The following TNNT2 variants were observed in gnomAD, a reference collection of about 807,000 sequenced individuals.
TNNT2 encodes the protein troponin T, cardiac muscle.
Under a neutral mutation model 62.4 loss-of-function variants are expected in TNNT2, and 34 were observed. The ratio of observed to expected loss-of-function variants is 0.54; its 90% CI spans 0.41 to 0.72. The LOEUF (loss-of-function observed/expected upper bound fraction) is 0.72, where lower values mean the gene tolerates loss of function less well. Among genes scored for constraint, TNNT2 ranks in the 30% least tolerant of loss-of-function variants. The pLI is 0.00. For missense variants in TNNT2, 275 were observed against 381.9 expected (o/e 0.72, Z 2.33); for synonymous variants, 123 against 127.2 (o/e 0.97, Z 0.22).
At position 201,377,630 on chromosome 1, in the gene TNNT2, C is replaced by G. The variant is rs886045829; in HGVS notation, c.-22G>C. 6.6e-6 allele frequency: 3 copies of G among 456,210 alleles called. 1 individual carries two copies. Among genetic ancestry groups the G allele is most frequent in the South Asian group, 3.1e-5 (2 of 64,576 alleles). 28.3% of individuals were successfully genotyped at this position (456,210 alleles called of 1,614,324 possible). ...GCCCTGCCCGAGCCTTACCTCAGAACAGCAGCTGCCGACAGATCCTGGAGG... is the reference window on the plus strand; with the variant it reads ...GCCCTGCCCGAGCCTTACCTCAGAAGAGCAGCTGCCGACAGATCCTGGAGG... On this transcript the variant is annotated 5_prime_UTR_variant, in exon 1 of 17. Coordinates refer to ENST00000656932, the MANE Select transcript of TNNT2 (RefSeq NM_001276345.2).
intron 8 of TNNT2, chr1:201,366,302 A>G (rs762107517): frequency 2.1e-5 from 21 of 1,024,116 alleles, no homozygotes; most frequent in Non-Finnish European, 2.5e-5. Flanking sequence ...CAGAGGTGCC[A>G]TGGGTCAACC....
Position 201,373,201 on chromosome 1 carries a change from T to C in TNNT2, c.41+13A>G, listed in dbSNP as rs773907554. ...AGAGGACCCCACTCAGGCAAGATGC[T>C]CCAGATACTCACTCCTCCTCGTACT... On this transcript the variant is annotated intron_variant, in intron 2 of 16. Transcript: ENST00000656932. The C allele has an allele frequency of 6.2e-7, 1 of 1,613,992 alleles. No individual in the cohort carries two copies. Among genetic ancestry groups the C allele is most frequent in the East Asian group, 2.2e-5 (1 of 44,878 alleles).
chr1:201,372,303 C>A (rs531812743), intron 2 of TNNT2, 148 bp from the exon 3 acceptor site: 1 of 1,176,832 alleles, frequency 8.5e-7, no homozygotes, highest in South Asian at 1.3e-5. Flanking sequence ...CGCTGCCCTG[C>A]CCACCTTGCA....
In TNNT2 at chr1:201,373,164, G is replaced by T. The variant is rs766987974; in HGVS notation, c.41+50C>A. The T allele has an allele frequency of 3.2e-6, 5 of 1,586,970 alleles. No homozygotes were observed. The African/African-American group carries it at 6.7e-5, about 21-fold the overall frequency. ...GGGAGGCTCCTGGACCAGGTGTCAG[G>T]GCAGCGGCGGGAGAGGACCCCACTC... On this transcript the variant is annotated intron_variant, in intron 2 of 16. Transcript: ENST00000656932.
At chr1:201,368,548 C>T in intron 5 of TNNT2, 1 of 483,708 alleles carries the variant, frequency 2.1e-6, no homozygotes, top group South Asian at 1.6e-5. Context: ...CCGAGGTGTC[C>T]AGAAGCTCCT....
chr1:201,359,321 G>GGGTA, intron 16 of TNNT2, 66 bp from the exon 17 acceptor site: 1 of 1,570,536 alleles, frequency 6.4e-7, no homozygotes, highest in Non-Finnish European at 8.7e-7. Flanking sequence ...CATGCGGCTG[G>GGGTA]GGTAGGACTG....
At chr1:201,366,159 G>T (rs1205797678) in intron 8 of TNNT2, 4 of 1,059,128 alleles carry the variant, frequency 3.8e-6, no homozygotes, top group African/African-American at 1.7e-5. Context: ...CCTCAGGTGT[G>T]TGGAGCTGAA....
chr1:201,362,394 G>C lies in TNNT2; in HGVS notation c.601C>G (p.Gln201Glu). 1 of 1,613,862 alleles carries C rather than the reference G, an allele frequency of 6.2e-7. No homozygotes were observed. The highest frequency in any genetic ancestry group is 8.5e-7 in the Non-Finnish European group (1 of 1,179,928). ...MMHFGGYIQKQAQTERKSGKR... is the reference protein window; with the variant it reads ...MMHFGGYIQKEAQTERKSGKR... ...AGGTTTTTGGTACCCACCTGGGCCT[G>C]CTAAACCGGGAAACCATGAGAGAGA... Residue 201 changes from glutamine (Q) to glutamate (E), a missense_variant and splice_region_variant, in exon 13 of 17, where the codon CAG (glutamine) becomes GAG (glutamate). Gln to Glu is a conservative substitution (Grantham distance 29). Coordinates refer to ENST00000656932, the MANE Select transcript of TNNT2 (RefSeq NM_001276345.2).
At chr1:201,364,078 G>A in intron 11 of TNNT2, 1 of 553,804 alleles carries the variant, frequency 1.8e-6, no homozygotes, top group Non-Finnish European at 3.3e-6. Context: ...TAGAGACAGG[G>A]TTTCTCCGTT....
At chr1:201,365,915 G>T (rs912257247) in intron 8 of TNNT2, 4 of 1,354,548 alleles carry the variant, frequency 3.0e-6, no homozygotes, top group Non-Finnish European at 2.9e-6. Flanking sequence ...CATGAAGTGG[G>T]TACCGTTAAT....
chr1:201,368,469 T>C, intron 5 of TNNT2: 1 of 601,210 alleles, frequency 1.7e-6, no homozygotes, highest in Non-Finnish European at 3.1e-6. Context: ...GGACTCCACC[T>C]CATTCCCCAA....
At chr1:201,369,425 T>C (rs10800776) in intron 5 of TNNT2, 353,656 of 478,176 alleles carry the variant, frequency 0.74, 131,511 homozygotes, top group South Asian at 0.81. Flanking sequence ...CCCTGCTTGG[T>C]GCTGTCCAGC....
intron 8 of TNNT2, chr1:201,366,263 C>T: frequency 6.9e-6 from 7 of 1,019,608 alleles, no homozygotes; most frequent in Non-Finnish European, 8.2e-6. Flanking sequence ...CAGAAGGCCC[C>T]ACTGAAATGG....
At chr1:201,359,329 C>G in intron 16 of TNNT2, 74 bp from the exon 17 acceptor site, 1 of 1,560,698 alleles carries the variant, frequency 6.4e-7, no homozygotes, top group Non-Finnish European at 8.7e-7. Flanking sequence ...TGGGGTAGGA[C>G]TGGGGTGCCA....
rs1303499588 is a variant in TNNT2, at chr1:201,373,256, G to T, written c.-2C>A. 3 of 1,614,058 alleles carry T rather than the reference G, an allele frequency of 1.9e-6. No homozygotes were observed. In the South Asian group the frequency reaches 3.3e-5, roughly 18 times the overall value. ...CACCACCTCTTCTATGTCAGACATG[G>T]TCTCTGCTCTCCCTCCAAAAGGAGA... On this transcript the variant is annotated 5_prime_UTR_variant, in exon 2 of 17. Transcript: ENST00000656932.
At chr1:201,363,572 A>G in intron 11 of TNNT2, 166 bp from the exon 12 acceptor site, 1 of 645,816 alleles carries the variant, frequency 1.5e-6, no homozygotes. Context: ...ACAGGAGTCC[A>G]CTGACTGAGA....
At chr1:201,372,477 A>G (rs1324950171) in intron 2 of TNNT2, among the ~76,000 whole-genome samples, 1 of 151,964 alleles carries the variant, frequency 6.6e-6, no homozygotes, top group Non-Finnish European at 1.5e-5. Context: ...GCCCTCTCCC[A>G]AATCTCTTAT....
chr1:201,370,993 G>A (rs1366799371), intron 4 of TNNT2, among the ~76,000 whole-genome samples: 3 of 152,180 alleles, frequency 2.0e-5, no homozygotes, highest in African/African-American at 4.8e-5. Flanking sequence ...GCCTCTTTCA[G>A]TTTCTCCTGT....
intron 4 of TNNT2, 66 bp downstream of exon 4, chr1:201,371,961 G>A: frequency 6.2e-7 from 1 of 1,607,048 alleles, no homozygotes; most frequent in Non-Finnish European, 8.5e-7. Flanking sequence ...CTTTCCCAGG[G>A]CTCCCAGGAT....
Sources: gnomAD v4.1 joint callset for allele counts (sites outside exome capture counted in the v4.1 genomes callset) on GRCh38, gnomAD v4.1.1 for gene constraint, MANE v1.5 for transcripts, NCBI Gene and HGNC (gene_info 2026-07-23, HGNC 2026-07-21) for gene names.